The following CYRIA variants were observed in gnomAD, a reference collection of about 807,000 sequenced individuals.
CYRIA encodes the protein CYFIP-related Rac1 interactor A.
A neutral mutation model predicts 43.9 loss-of-function variants in CYRIA; 15 were observed. That is an observed-to-expected ratio of 0.34 (90% CI 0.23 to 0.53). The LOEUF is 0.53. Among genes scored for constraint, CYRIA ranks in the 20% least tolerant of loss-of-function variants. CYRIA has a pLI of 0.94. For missense variants in CYRIA, 236 were observed against 394.2 expected, an observed-to-expected ratio of 0.60 and a Z score of 3.40; for synonymous variants, 117 against 136.0, an observed-to-expected ratio of 0.86 and a Z score of 0.97.
intron 2 of CYRIA, among the ~76,000 whole-genome samples, chr2:16,590,527 G>A (rs1001904424): frequency 7.2e-5 from 11 of 152,260 alleles, no homozygotes; most frequent in African/African-American, 2.6e-4. Context: ...TGTCCTGTAT[G>A]TGATTTTACT....
chr2:16,614,765 T>G (rs1668724092), intron 2 of CYRIA, among the ~76,000 whole-genome samples: 1 of 152,238 alleles, frequency 6.6e-6, no homozygotes, highest in South Asian at 2.1e-4. Context: ...CCCGGTCACC[T>G]GCCACGTAGC....
intron 2 of CYRIA, among the ~76,000 whole-genome samples, chr2:16,622,561 C>T (rs1251002072): frequency 6.6e-6 from 1 of 152,096 alleles, no homozygotes; most frequent in African/African-American, 2.4e-5. Flanking sequence ...TCTCCTGTAA[C>T]AAGAAACCAT....
In CYRIA at chr2:16,646,404, G is replaced by A. The variant is rs553379898; in HGVS notation, c.-167+19376C>T. On this transcript the variant is annotated intron_variant, in intron 1 of 11. Coordinates refer to ENST00000381323, the MANE Select transcript of CYRIA (RefSeq NM_030797.4). The stretch of plus-strand genomic sequence containing the variant: ...TGCTGCCTGTTTAGTTGTCCTATGA[G>A]GCAGAGCTTTTGAAAATGGAGAGAA... Among the ~76,000 whole-genome samples the A allele has an allele frequency of 1.2e-4, 18 of 152,294 alleles. No homozygotes were observed. In the South Asian group the frequency reaches 3.7e-3, roughly 32 times the overall value.
intron 10 of CYRIA, among the ~76,000 whole-genome samples, chr2:16,559,256 C>T (rs1047649251): frequency 6.6e-6 from 1 of 152,156 alleles, no homozygotes; most frequent in Non-Finnish European, 1.5e-5. Flanking sequence ...AACATTGCTG[C>T]TGTGCTTTTG....
At chr2:16,589,632 A>G (rs1667852098) in intron 2 of CYRIA, among the ~76,000 whole-genome samples, 1 of 152,116 alleles carries the variant, frequency 6.6e-6, no homozygotes. Context: ...AAGTTGTGAG[A>G]ATTAATCAGA....
chr2:16,651,010 G>A (rs968402516), intron 1 of CYRIA, among the ~76,000 whole-genome samples: 10 of 151,972 alleles, frequency 6.6e-5, no homozygotes, highest in African/African-American at 2.2e-4. Context: ...TTATTTAGAC[G>A]CATTTCAGGC....
At chr2:16,660,147 A>G (rs1321702094) in intron 1 of CYRIA, among the ~76,000 whole-genome samples, 1 of 152,152 alleles carries the variant, frequency 6.6e-6, no homozygotes, top group Non-Finnish European at 1.5e-5. Flanking sequence ...ACCTGTCACT[A>G]GAGGAAATGA....
intron 2 of CYRIA, among the ~76,000 whole-genome samples, chr2:16,590,358 T>A (rs1667883762): frequency 6.6e-6 from 1 of 152,164 alleles, no homozygotes; most frequent in East Asian, 1.9e-4. Flanking sequence ...AGATTAGGTC[T>A]GGAGTCACTT....
At chr2:16,622,773 C>T (rs955350051) in intron 2 of CYRIA, among the ~76,000 whole-genome samples, 1 of 152,112 alleles carries the variant, frequency 6.6e-6, no homozygotes. Context: ...CTGAATTATG[C>T]TATAGCTCAG....
chr2:16,654,341 A>G (rs1670047662), intron 1 of CYRIA, among the ~76,000 whole-genome samples: 1 of 152,252 alleles, frequency 6.6e-6, no homozygotes, highest in African/African-American at 2.4e-5. Context: ...AAGTTTGTTA[A>G]GTAGAAATAC....
In CYRIA at chr2:16,608,396, A is replaced by T. The variant is rs146401498; in HGVS notation, c.-11+15468T>A. Among the ~76,000 whole-genome samples the T allele has an allele frequency of 6.4e-4, 98 of 152,332 alleles. No homozygotes were observed. The East Asian group carries it at 0.018, about 28-fold the overall frequency. Reference sequence around the variant, plus strand: ...ACATGCAGACTGATACACTTTCAGGAGGTAAAATAAATACACGGAAGCCCA... The same window carrying T: ...ACATGCAGACTGATACACTTTCAGGTGGTAAAATAAATACACGGAAGCCCA... On this transcript the variant is annotated intron_variant, in intron 2 of 11. Transcript: ENST00000381323.
intron 1 of CYRIA, among the ~76,000 whole-genome samples, chr2:16,659,792 C>A (rs1237274957): frequency 6.6e-6 from 1 of 152,156 alleles, no homozygotes; most frequent in Non-Finnish European, 1.5e-5. Context: ...AATCATCAAA[C>A]CAAATAATGA....
At chr2:16,648,394 A>G (rs1669878285) in intron 1 of CYRIA, among the ~76,000 whole-genome samples, 1 of 152,138 alleles carries the variant, frequency 6.6e-6, no homozygotes, top group African/African-American at 2.4e-5. Flanking sequence ...AGACACAACA[A>G]TGGTCAAAAG....
intron 1 of CYRIA, among the ~76,000 whole-genome samples, chr2:16,662,183 G>A (rs1440260026): frequency 6.6e-6 from 1 of 152,044 alleles, no homozygotes; most frequent in Admixed American, 6.6e-5. Flanking sequence ...CCTGAGCATG[G>A]GCAATTTTTA....
intron 3 of CYRIA, among the ~76,000 whole-genome samples, chr2:16,574,480 T>C (rs1667253066): frequency 6.6e-6 from 1 of 152,110 alleles, no homozygotes; most frequent in South Asian, 2.1e-4. Flanking sequence ...ATGGGGAAAA[T>C]GTCTCCAGGG....
At chr2:16,627,253 G>A (rs1440074437) in intron 1 of CYRIA, among the ~76,000 whole-genome samples, 1 of 147,804 alleles carries the variant, frequency 6.8e-6, no homozygotes, top group Non-Finnish European at 1.5e-5. Flanking sequence ...CCCAAAGACT[G>A]TGTCCCCACC....
At chr2:16,581,722 G>T (rs1667555834) in intron 3 of CYRIA, among the ~76,000 whole-genome samples, 1 of 151,956 alleles carries the variant, frequency 6.6e-6, no homozygotes, top group Non-Finnish European at 1.5e-5. Context: ...TTTACCCAAG[G>T]AATATAATGC....
rs753862688 is a variant in CYRIA, at chr2:16,561,209, C to T, written c.582G>A (p.Thr194=). The T allele has an allele frequency of 7.4e-6, 12 of 1,613,660 alleles. No individual in the cohort carries two copies. The South Asian group carries it at 8.8e-5, about 12-fold the overall frequency. Residue 194 remains threonine (T), a synonymous_variant, in exon 8 of 12, where the codon ACG becomes ACA. Coordinates refer to ENST00000381323, the MANE Select transcript of CYRIA (RefSeq NM_030797.4). The part of the protein sequence containing the change: ...NRMSLFYAEA[T]PMLKTLSNAT... ...CATTGCTAAGGGTTTTCAGCATTGG[C>T]GTGGCTTCTGCATAGAAGAGGGACA...
intron 2 of CYRIA, among the ~76,000 whole-genome samples, chr2:16,599,648 A>C (rs1668131185): frequency 6.8e-6 from 1 of 147,500 alleles, no homozygotes; most frequent in Non-Finnish European, 1.5e-5. Context: ...CCCTAGTGAG[A>C]TGAACCCGGT....
Sources: gnomAD v4.1 joint callset for allele counts (sites outside exome capture counted in the v4.1 genomes callset) on GRCh38, gnomAD v4.1.1 for gene constraint, MANE v1.5 for transcripts, NCBI Gene and HGNC (gene_info 2026-07-23, HGNC 2026-07-21) for gene names.